Variants in VTI1A observed in about 807,000 individuals in gnomAD.
The protein encoded by VTI1A is vesicle transport through interaction with t-SNAREs 1A, also known as vesicle transport through interaction with t-SNAREs homolog 1A.
Under a neutral mutation model 34.9 loss-of-function variants are expected in VTI1A, and 22 were observed. The observed-to-expected ratio is 0.63, with a 90% CI of 0.45 to 0.90. The LOEUF is 0.90. Ranked by LOEUF, VTI1A falls within the 40% of genes least tolerant of loss-of-function variation. The pLI is 0.00. For missense variants in VTI1A, 268 were observed against 275.6 expected, an observed-to-expected ratio of 0.97 and a Z score of 0.20; for synonymous variants, 87 against 97.3, an observed-to-expected ratio of 0.89 and a Z score of 0.62.
At chr10:112,558,157 T>C (rs1033220574) in intron 5 of VTI1A, among the ~76,000 whole-genome samples, 18 of 152,156 alleles carry the variant, frequency 1.2e-4, no homozygotes, top group African/African-American at 4.3e-4. Context: ...CAAGTCAGTG[T>C]CTCTAAGTAC....
At chr10:112,736,105 G>GTATATATATA (rs1296849590) in intron 7 of VTI1A, among the ~76,000 whole-genome samples, 146 of 90,242 alleles carry the variant, frequency 1.6e-3, no homozygotes, top group African/African-American at 0.01. Context: ...ATATATATGT[G>GTATATATATA]TGTGTGTATA....
chr10:112,690,384 A>G (rs1051654842), intron 7 of VTI1A, among the ~76,000 whole-genome samples: 1 of 152,218 alleles, frequency 6.6e-6, no homozygotes, highest in South Asian at 2.1e-4. Flanking sequence ...ATAAACATGG[A>G]TGAGAGTTCC....
At chr10:112,768,527 T>G (rs1851711061) in intron 7 of VTI1A, among the ~76,000 whole-genome samples, 1 of 152,200 alleles carries the variant, frequency 6.6e-6, no homozygotes, top group African/African-American at 2.4e-5. Context: ...TTTTCTCCTT[T>G]TTTGCATGTT....
intron 3 of VTI1A, among the ~76,000 whole-genome samples, chr10:112,475,615 G>T (rs960550288): frequency 6.6e-6 from 1 of 152,024 alleles, no homozygotes; most frequent in Admixed American, 6.6e-5. Flanking sequence ...ATAGTTTATT[G>T]GTTTTAATAC....
intron 7 of VTI1A, among the ~76,000 whole-genome samples, chr10:112,742,542 G>A (rs1190407431): frequency 5.3e-5 from 8 of 152,228 alleles, no homozygotes; most frequent in Admixed American, 4.6e-4. Flanking sequence ...TTGAGAAGAT[G>A]TGTTCCACAA....
At chr10:112,665,775 T>C (rs1339855121) in intron 5 of VTI1A, among the ~76,000 whole-genome samples, 4 of 152,174 alleles carry the variant, frequency 2.6e-5, no homozygotes, top group Non-Finnish European at 5.9e-5. Context: ...CAAGAATAGG[T>C]CGCAAACTTT....
At chr10:112,851,636 A>G in the VTI1A span, among the ~76,000 whole-genome samples, 1 of 152,166 alleles carries the variant, frequency 6.6e-6, no homozygotes, top group South Asian at 2.1e-4. Context: ...AGAAACCAGA[A>G]AGTATTGAAA....
intron 7 of VTI1A, among the ~76,000 whole-genome samples, chr10:112,794,110 G>T (rs1461456525): frequency 6.6e-6 from 1 of 152,108 alleles, no homozygotes; most frequent in Non-Finnish European, 1.5e-5. Context: ...GGAAAAAGGT[G>T]ATGTTTTTGT....
At chr10:112,676,250 T>C (rs1848021123) in intron 7 of VTI1A, among the ~76,000 whole-genome samples, 1 of 152,146 alleles carries the variant, frequency 6.6e-6, no homozygotes, top group Non-Finnish European at 1.5e-5. Flanking sequence ...ATTCCTGTCA[T>C]GGCGCCACCA....
chr10:112,676,011 C>T (rs887951186), intron 7 of VTI1A, among the ~76,000 whole-genome samples: 1 of 151,958 alleles, frequency 6.6e-6, no homozygotes, highest in Non-Finnish European at 1.5e-5. Context: ...TAATAAAGTG[C>T]CAGGAAACAT....
intron 5 of VTI1A, among the ~76,000 whole-genome samples, chr10:112,555,535 C>T (rs1851512601): frequency 6.6e-6 from 1 of 151,992 alleles, no homozygotes; most frequent in Non-Finnish European, 1.5e-5. Flanking sequence ...TTTCTCTAAA[C>T]ACAGTTGTAC....
At chr10:112,630,203 C>T (rs1367417538) in intron 5 of VTI1A, among the ~76,000 whole-genome samples, 1 of 152,144 alleles carries the variant, frequency 6.6e-6, no homozygotes, top group Non-Finnish European at 1.5e-5. Flanking sequence ...ATATATTCTG[C>T]CCAACACTCC....
At chr10:112,546,224 C>CAT (rs1342547851) in intron 5 of VTI1A, among the ~76,000 whole-genome samples, 4 of 151,524 alleles carry the variant, frequency 2.6e-5, no homozygotes, top group Non-Finnish European at 5.9e-5. Flanking sequence ...CACACACACA[C>CAT]ACATATATAT....
chr10:112,638,773 C>A (rs1590009758), intron 5 of VTI1A, among the ~76,000 whole-genome samples: 1 of 139,232 alleles, frequency 7.2e-6, no homozygotes. Context: ...ATCTAGAATA[C>A]AGATATTACC....
chr10:112,447,413 G>T lies in VTI1A; in HGVS notation c.40G>T (p.Val14Leu), dbSNP rs1213203488. The T allele has an allele frequency of 1.9e-6, 3 of 1,613,742 alleles. No individual in the cohort carries two copies. Among genetic ancestry groups the T allele is most frequent in the Non-Finnish European group, 2.5e-6 (3 of 1,179,996 alleles). ...CGAAGGTTACGAGCAGGACTTCGCG[G>T]TGCTCACTGCAGAGATCACCAGCAA... is the stretch of plus-strand genomic sequence containing the variant. ...DFEGYEQDFA[V>L]LTAEITSKIA... The change falls in exon 1 of 8, where the codon GTG (valine) becomes TTG (leucine). Residue 14 changes from valine to leucine, a missense_variant. Val to Leu is a conservative substitution (Grantham distance 32, BLOSUM62 1). Transcript: ENST00000393077.
intron 7 of VTI1A, among the ~76,000 whole-genome samples, chr10:112,708,796 T>C (rs1488266005): frequency 1.3e-5 from 2 of 152,258 alleles, no homozygotes; most frequent in South Asian, 2.1e-4. Flanking sequence ...ATGTTGTACA[T>C]GCATCCATTT....
intron 7 of VTI1A, among the ~76,000 whole-genome samples, chr10:112,690,376 A>G (rs1422929736): frequency 6.6e-6 from 1 of 152,212 alleles, no homozygotes; most frequent in South Asian, 2.1e-4. Flanking sequence ...GCAGTCCCAT[A>G]AACATGGATG....
chr10:112,522,949 A>G (rs983861976), intron 3 of VTI1A, among the ~76,000 whole-genome samples: 2 of 152,066 alleles, frequency 1.3e-5, no homozygotes, highest in African/African-American at 4.8e-5. Context: ...TTAAATTCTC[A>G]TATACGCTTT....
At chr10:112,685,795 G>A (rs1280992707) in intron 7 of VTI1A, among the ~76,000 whole-genome samples, 1 of 152,074 alleles carries the variant, frequency 6.6e-6, no homozygotes, top group Non-Finnish European at 1.5e-5. Flanking sequence ...GCTCGCCTCT[G>A]TCCCAATTCC....
Sources: allele counts gnomAD v4.1 joint callset (sites outside exome capture counted in the v4.1 genomes callset), GRCh38; gene constraint gnomAD v4.1.1; transcripts MANE v1.5; gene names NCBI Gene and HGNC (gene_info 2026-07-23, HGNC 2026-07-21).